The following CDH22 variants were observed in gnomAD, a reference collection of about 807,000 sequenced individuals.
The protein encoded by CDH22 is cadherin 22.
Under a neutral mutation model 58.4 loss-of-function variants are expected in CDH22, and 30 were observed. The ratio of observed to expected loss-of-function variants is 0.51; its 90% CI spans 0.38 to 0.70. CDH22 has a LOEUF of 0.70. CDH22 is among the 30% of genes least tolerant of loss of function. The pLI is 0.00. For synonymous variants in CDH22, 513 were observed against 558.2 expected (o/e 0.92, Z 1.14); for missense variants, 1,014 against 1,233.9 (o/e 0.82, Z 2.67).
intron 3 of CDH22, among the ~76,000 whole-genome samples, chr20:46,234,197 C>T (rs950150354): frequency 6.6e-6 from 1 of 152,176 alleles, no homozygotes; most frequent in Non-Finnish European, 1.5e-5. Flanking sequence ...CCAAGAGAGT[C>T]CCCAGGAGGC....
chr20:46,292,523 C>T (rs372094493), intron 1 of CDH22, among the ~76,000 whole-genome samples: 1 of 152,170 alleles, frequency 6.6e-6, no homozygotes, highest in African/African-American at 2.4e-5. Flanking sequence ...ATCGCAAACG[C>T]CCAACTAACT....
Position 46,296,117 on chromosome 20 carries a change from T to G in CDH22, c.-400+12138A>C, listed in dbSNP as rs185804105. ...TCCCAGGTGCTTGTCCTGAAACTCC[T>G]GGGCCCTCTTTTTGTATCTTCGCAG... is the stretch of plus-strand genomic sequence containing the variant. On this transcript the variant is annotated intron_variant, in intron 1 of 11. Coordinates refer to ENST00000537909, the MANE Select transcript of CDH22 (RefSeq NM_021248.3). 8.6e-4 allele frequency among the ~76,000 whole-genome samples: 131 copies of G among 152,292 alleles called. 1 individual carries two copies. The highest frequency in any genetic ancestry group is 3.1e-3 in the African/African-American group (127 of 41,578).
chr20:46,242,281 C>A (rs997434381), intron 2 of CDH22, among the ~76,000 whole-genome samples: 1 of 152,172 alleles, frequency 6.6e-6, no homozygotes, highest in Non-Finnish European at 1.5e-5. Flanking sequence ...ACTGGAAGAG[C>A]TGGTCTGACT....
intron 7 of CDH22, among the ~76,000 whole-genome samples, chr20:46,208,791 C>T (rs1222918588): frequency 6.6e-6 from 1 of 152,150 alleles, no homozygotes; most frequent in Non-Finnish European, 1.5e-5. Flanking sequence ...CGGGGTTTCA[C>T]CATGTTGGTC....
intron 1 of CDH22, among the ~76,000 whole-genome samples, chr20:46,296,855 C>T (rs2086631264): frequency 6.6e-6 from 1 of 152,220 alleles, no homozygotes. Context: ...CCAGAAGCAG[C>T]AAGAGTCTCC....
intron 11 of CDH22, among the ~76,000 whole-genome samples, chr20:46,176,494 A>G (rs2085740373): frequency 6.6e-6 from 1 of 152,166 alleles, no homozygotes. Flanking sequence ...TGTCTAGTAC[A>G]TGGGAGGAAC....
intron 3 of CDH22, among the ~76,000 whole-genome samples, chr20:46,230,854 G>A (rs2086215719): frequency 6.6e-6 from 1 of 152,172 alleles, no homozygotes. Context: ...TCAGCACCAA[G>A]GACAGTACCT....
intron 2 of CDH22, among the ~76,000 whole-genome samples, chr20:46,246,148 G>A (rs561792237): frequency 1.4e-4 from 21 of 152,308 alleles, no homozygotes; most frequent in Middle Eastern, 3.4e-3. Context: ...GCATAGGTAC[G>A]TTTTCCTTAT....
chr20:46,229,826 G>T (rs187708972), intron 3 of CDH22, among the ~76,000 whole-genome samples: 1 of 151,948 alleles, frequency 6.6e-6, no homozygotes, highest in East Asian at 1.9e-4. Context: ...ATGAGAGAGG[G>T]TCTCCCTGTC....
chr20:46,290,732 G>A (rs1254832096), intron 1 of CDH22, among the ~76,000 whole-genome samples: 2 of 152,148 alleles, frequency 1.3e-5, no homozygotes, highest in South Asian at 2.1e-4. Flanking sequence ...GAGAGGGCCA[G>A]CCCAATGTGT....
chr20:46,240,471 G>A (rs1338301426), intron 3 of CDH22, among the ~76,000 whole-genome samples: 3 of 152,122 alleles, frequency 2.0e-5, no homozygotes, highest in Non-Finnish European at 4.4e-5. Flanking sequence ...CAAGGGCTGC[G>A]CTGTGTCTAT....
At chr20:46,262,850 G>A (rs1453780004) in intron 1 of CDH22, among the ~76,000 whole-genome samples, 1 of 152,168 alleles carries the variant, frequency 6.6e-6, no homozygotes, top group Non-Finnish European at 1.5e-5. Flanking sequence ...CTGGGCAGAT[G>A]GAACCACCTG....
At chr20:46,188,398 A>C (rs1255250086) in intron 8 of CDH22, among the ~76,000 whole-genome samples, 1 of 152,040 alleles carries the variant, frequency 6.6e-6, no homozygotes, top group East Asian at 1.9e-4. Flanking sequence ...TCTAATATTG[A>C]CCCAATTATG....
In CDH22 at chr20:46,212,579, G is replaced by A. The variant is rs149715177; in HGVS notation, c.1032+416C>T. ...AATCTCTACCATGTGCCTTACAGGT[G>A]TGACCTTGGGTAAGCCCCTTTACCT... On this transcript the variant is annotated intron_variant, in intron 6 of 11. Transcript: ENST00000537909. Among the ~76,000 whole-genome samples, 4 of 152,340 alleles carry A rather than the reference G, an allele frequency of 2.6e-5. 1 individual carries two copies. Among genetic ancestry groups the A allele is most frequent in the South Asian group, 2.1e-4 (1 of 4,830 alleles).
intron 7 of CDH22, among the ~76,000 whole-genome samples, chr20:46,206,692 C>T (rs1226585189): frequency 6.6e-6 from 1 of 152,184 alleles, no homozygotes; most frequent in East Asian, 1.9e-4. Context: ...GGCCCCAATC[C>T]CTCCTTATCC....
Position 46,226,224 on chromosome 20 carries a change from G to A in CDH22, c.670+1284C>T, listed in dbSNP as rs557342771. Among the ~76,000 whole-genome samples the A allele has an allele frequency of 1.2e-3, 172 of 147,024 alleles. 1 individual carries two copies. The highest frequency in any genetic ancestry group is 7.2e-3 in the Middle Eastern group (2 of 278). On this transcript the variant is annotated intron_variant, in intron 4 of 11. Coordinates refer to ENST00000537909, the MANE Select transcript of CDH22 (RefSeq NM_021248.3). ...ATGCCCTTCTCTGAAATCTTGGTCTGGCAACACCTTCTTCTTCTTCTTCTT... is the reference window on the plus strand; with the variant it reads ...ATGCCCTTCTCTGAAATCTTGGTCTAGCAACACCTTCTTCTTCTTCTTCTT...
intron 8 of CDH22, 146 bp downstream of exon 8, chr20:46,199,277 G>T: frequency 1.0e-6 from 1 of 953,848 alleles, no homozygotes; most frequent in Non-Finnish European, 1.5e-6. Context: ...CTTTCTCTTC[G>T]CACCATCCCC....
intron 10 of CDH22, among the ~76,000 whole-genome samples, chr20:46,184,063 T>G (rs1173197751): frequency 5.9e-5 from 9 of 152,094 alleles, no homozygotes; most frequent in Admixed American, 3.9e-4. Flanking sequence ...CCACCCTATT[T>G]AAGAAGATAG....
chr20:46,257,655 G>A (rs1568676090), intron 1 of CDH22, among the ~76,000 whole-genome samples: 2 of 152,302 alleles, frequency 1.3e-5, no homozygotes, highest in African/African-American at 2.4e-5. Context: ...GTTAAACCCC[G>A]AAAGCCTGTT....
Sources: allele counts gnomAD v4.1 joint callset (sites outside exome capture counted in the v4.1 genomes callset), GRCh38; gene constraint gnomAD v4.1.1; transcripts MANE v1.5; gene names NCBI Gene and HGNC (gene_info 2026-07-23, HGNC 2026-07-21).